The following TYRP1 variants were observed in gnomAD, a reference collection of about 807,000 sequenced individuals.
TYRP1 encodes 5,6-dihydroxyindole-2-carboxylic acid oxidase.
A neutral mutation model predicts 42.8 loss-of-function variants in TYRP1; 49 were observed. The ratio of observed to expected loss-of-function variants is 1.14; its 90% CI spans 0.91 to 1.45. The LOEUF (loss-of-function observed/expected upper bound fraction) is 1.45. Ranked by LOEUF, TYRP1 falls within the 40% of genes most tolerant of loss-of-function variation. TYRP1 has a pLI of 0.00. For missense variants in TYRP1, 848 were observed against 662.0 expected (o/e 1.28, Z -3.08); for synonymous variants, 279 against 235.4 (o/e 1.19, Z -1.69).
chr9:12,708,959 A>G lies in TYRP1; in HGVS notation c.1409-18A>G. The G allele has an allele frequency of 6.6e-7, 1 of 1,503,798 alleles. No homozygotes were observed. The highest frequency in any genetic ancestry group is 1.1e-5 in the South Asian group (1 of 88,896). The allele number at this position is 1,503,798 out of a possible 1,614,324, so 93.2% of individuals were successfully genotyped here. On this transcript the variant is annotated intron_variant, in intron 7 of 7. Transcript: ENST00000388918. The stretch of plus-strand genomic sequence containing the variant: ...TTTTAATATTTGTCTTTTTATTTTT[A>G]TCTTCCTTTCCAAATAGGTCGGGAG...
chr9:12,704,565 G>T lies in TYRP1; in HGVS notation c.1121G>T (p.Arg374Leu). ...DPTGKYDPAV[R>L]SLHNLAHLFL... ...ACGGGAAAGTATGACCCTGCTGTTC[G>T]AAGTCTTCACAATTTGGCTCATCTA... The change falls in exon 6 of 8, where the codon CGA (arginine) becomes CTA (leucine). Residue 374 changes from arginine to leucine, a missense_variant. Transcript: ENST00000388918. 6.2e-7 allele frequency: 1 copy of T among 1,612,878 alleles called. No individual in the cohort carries two copies. Among genetic ancestry groups the T allele is most frequent in the Non-Finnish European group, 8.5e-7 (1 of 1,179,430 alleles).
At chr9:12,698,211 G>A (rs1420510457) in intron 3 of TYRP1, among the ~76,000 whole-genome samples, 7 of 152,068 alleles carry the variant, frequency 4.6e-5, no homozygotes, top group Admixed American at 4.6e-4. Context: ...TTTCAGAAAT[G>A]TCTGCATAAT....
Position 12,693,686 on chromosome 9 carries a change from C to A in TYRP1, c.-86+208C>A, listed in dbSNP as rs57363464. Among the ~76,000 whole-genome samples, 4 of 150,632 alleles carry A rather than the reference C, an allele frequency of 2.7e-5. No homozygotes were observed. In the East Asian group the frequency reaches 7.8e-4, roughly 29 times the overall value. ...TATCTAGTATGTATATATATATAAA[C>A]AAAATGACGAGGACAGGGAATTTAA... On this transcript the variant is annotated intron_variant, in intron 1 of 7. Transcript: ENST00000388918.
intron 5 of TYRP1, 116 bp downstream of exon 5, chr9:12,702,554 G>A (rs1818189161): frequency 3.7e-6 from 4 of 1,090,954 alleles, no homozygotes; most frequent in Non-Finnish European, 5.4e-6. Flanking sequence ...GTGTGTTTAT[G>A]TGAATGAGAT....
chr9:12,705,095 T>G (rs2733833), intron 6 of TYRP1, among the ~76,000 whole-genome samples: 73,988 of 151,864 alleles, frequency 0.49, 21,748 homozygotes, highest in Non-Finnish European at 0.67. Flanking sequence ...ACTAAAAATT[T>G]TATACCCATA....
At position 12,709,056 on chromosome 9, in the gene TYRP1, T is replaced by G. The variant is rs766411653; in HGVS notation, c.1488T>G (p.Thr496=). 1.9e-6 allele frequency: 3 copies of G among 1,612,884 alleles called. No homozygotes were observed. The highest frequency in any genetic ancestry group is 1.7e-5 in the Admixed American group (1 of 59,806). ...TACTGGTTGCACTCATTTTTGGGACTGCTTCTTATCTGATTCGTGCCAGAC... is the reference window on the plus strand; with the variant it reads ...TACTGGTTGCACTCATTTTTGGGACGGCTTCTTATCTGATTCGTGCCAGAC... ...ALLLVALIFG[T]ASYLIRARRS... Residue 496 remains threonine, a synonymous_variant, in exon 8 of 8, where the codon ACT becomes ACG. Transcript: ENST00000388918.
Position 12,709,243 on chromosome 9 carries a change from T to TGAG in TYRP1, c.*62_*64dup. 5 of 1,468,020 alleles carry TGAG rather than the reference T, an allele frequency of 3.4e-6. No individual in the cohort carries two copies. The highest frequency in any genetic ancestry group is 1.1e-5 in the South Asian group (1 of 87,870). The allele number at this position is 1,468,020 out of a possible 1,614,324, so 90.9% of individuals were successfully genotyped here. A position where few individuals can be genotyped will look rare whatever the true frequency, so the allele number is the denominator to read the frequency against. On this transcript the variant is annotated 3_prime_UTR_variant, in exon 8 of 8. Transcript: ENST00000388918. ...AACCACCTGGTTGAATATAATAGAT[T>TGAG]GAGTTATTAACTGTATTTTCTTTCA... is the stretch of plus-strand genomic sequence containing the variant.
intron 4 of TYRP1, chr9:12,699,985 C>A (rs1818140348): frequency 6.6e-6 from 1 of 152,148 alleles, no homozygotes; most frequent in African/African-American, 2.4e-5. Context: ...CTAACTCAGA[C>A]ACATAGTCTC....
In TYRP1 at chr9:12,709,540, A is replaced by T; in HGVS notation, c.*358A>T. On this transcript the variant is annotated 3_prime_UTR_variant, in exon 8 of 8. Coordinates refer to ENST00000388918, the MANE Select transcript of TYRP1 (RefSeq NM_000550.3). Reference sequence around the variant, plus strand: ...AAATAATGTTTGATAGTAAATGTCCACTTAAAATACATGAATGGGCATTTC... The same window carrying T: ...AAATAATGTTTGATAGTAAATGTCCTCTTAAAATACATGAATGGGCATTTC... 4.3e-6 allele frequency: 1 copy of T among 231,326 alleles called. No homozygotes were observed. The highest frequency in any genetic ancestry group is 8.7e-6 in the Non-Finnish European group (1 of 114,852). 14.3% of individuals were successfully genotyped at this position (231,326 alleles called of 1,614,324 possible).
rs776208791 is a variant in TYRP1 at position 12,707,993 on chromosome 9, T to C, written c.1262-4T>C. 8 of 1,609,428 alleles carry C rather than the reference T, an allele frequency of 5.0e-6. No individual in the cohort carries two copies. In the Admixed American group the frequency reaches 1.3e-4, roughly 27 times the overall value. ...ATTAATACGTTGTCTTTGGAATAAT[T>C]TAGATATATCCACATTTCCATTGGA... On this transcript the variant is annotated splice_polypyrimidine_tract_variant and splice_region_variant and intron_variant, in intron 6 of 7. Transcript: ENST00000388918.
intron 6 of TYRP1, among the ~76,000 whole-genome samples, 197 bp downstream of exon 6, chr9:12,704,902 A>G (rs550495716): frequency 1.7e-4 from 26 of 152,174 alleles, no homozygotes; most frequent in Middle Eastern, 3.4e-3. Flanking sequence ...AATAGTTATT[A>G]TAGGATGATA....
intron 2 of TYRP1, 76 bp downstream of exon 2, chr9:12,694,457 G>T: frequency 1.3e-6 from 2 of 1,542,340 alleles, no homozygotes; most frequent in Non-Finnish European, 1.8e-6. Flanking sequence ...AATCATTTGA[G>T]CTGGAGGAAT....
intron 2 of TYRP1, 128 bp from the exon 3 acceptor site, chr9:12,695,386 TA>T: frequency 1.2e-6 from 1 of 832,294 alleles, no homozygotes; most frequent in Non-Finnish European, 1.9e-6. Context: ...TTTAAAAGTG[TA>T]AAATAATTTA....
At chr9:12,693,887 T>C in intron 1 of TYRP1, 25 bp from the exon 2 acceptor site, 1 of 1,493,460 alleles carries the variant, frequency 6.7e-7, no homozygotes, top group Non-Finnish European at 9.1e-7. Flanking sequence ...ACTTGCATAA[T>C]CTCATTTTAC....
Position 12,695,900 on chromosome 9 carries a change from T to C in TYRP1, c.708+63T>C. Reference sequence around the variant, plus strand: ...GACAAGATGCCTTGTTTGTAAGTGATTTTAATTCACTAGTTTTCAGAATCA... The same window carrying C: ...GACAAGATGCCTTGTTTGTAAGTGACTTTAATTCACTAGTTTTCAGAATCA... On this transcript the variant is annotated intron_variant, in intron 3 of 7. Coordinates refer to ENST00000388918, the MANE Select transcript of TYRP1 (RefSeq NM_000550.3). The C allele has an allele frequency of 3.3e-6, 5 of 1,534,702 alleles. No individual in the cohort carries two copies. The South Asian group carries it at 5.6e-5, about 17-fold the overall frequency.
intron 3 of TYRP1, 39 bp from the exon 4 acceptor site, chr9:12,698,412 A>G: frequency 2.5e-6 from 4 of 1,571,836 alleles, no homozygotes; most frequent in Non-Finnish European, 1.8e-6. Context: ...ATAATTGTAA[A>G]CAGAAGCAGA....
chr9:12,702,465 A>G (rs1443997619), intron 5 of TYRP1, 27 bp downstream of exon 5: 1 of 1,607,872 alleles, frequency 6.2e-7, no homozygotes, highest in Admixed American at 1.7e-5. Flanking sequence ...AGTATTTTTA[A>G]AAGATCTAGT....
chr9:12,704,569 T>G lies in TYRP1; in HGVS notation c.1125T>G (p.Ser375Arg). 1 of 1,613,076 alleles carries G rather than the reference T, an allele frequency of 6.2e-7. No individual in the cohort carries two copies. The highest frequency in any genetic ancestry group is 1.7e-4 in the Middle Eastern group (1 of 6,042). ...GAAAGTATGACCCTGCTGTTCGAAG[T>G]CTTCACAATTTGGCTCATCTATTCC... ...PTGKYDPAVRSLHNLAHLFLN... is the reference protein window; with the variant it reads ...PTGKYDPAVRRLHNLAHLFLN... The change falls in exon 6 of 8, where the codon AGT (serine) becomes AGG (arginine). Residue 375 changes from serine to arginine, a missense_variant. Ser to Arg is a moderately radical substitution (Grantham distance 110). Coordinates refer to ENST00000388918, the MANE Select transcript of TYRP1 (RefSeq NM_000550.3).
chr9:12,695,910 C>T (rs540249049), intron 3 of TYRP1, 73 bp downstream of exon 3: 3 of 1,506,098 alleles, frequency 2.0e-6, no homozygotes, highest in Non-Finnish European at 2.7e-6. Context: ...TTTTAATTCA[C>T]TAGTTTTCAG....
Sources: allele counts gnomAD v4.1 joint callset (sites outside exome capture counted in the v4.1 genomes callset), GRCh38; gene constraint gnomAD v4.1.1; transcripts MANE v1.5; gene names NCBI Gene and HGNC (gene_info 2026-07-23, HGNC 2026-07-21).